Variants in SCFD2 observed in about 807,000 individuals in gnomAD.
The protein encoded by SCFD2 is sec1 family domain-containing protein 2.
In SCFD2, 54 loss-of-function variants were observed where a neutral mutation model predicts 58.9. That is an observed-to-expected ratio of 0.92 (90% confidence interval 0.74 to 1.15). The LOEUF (loss-of-function observed/expected upper bound fraction) is 1.15, where lower values mean the gene tolerates loss of function less well. Ranked by LOEUF, SCFD2 falls within the 50% of genes most tolerant of loss-of-function variation. The pLI, the probability that SCFD2 is intolerant of heterozygous loss-of-function variation, is 0.00. For synonymous variants in SCFD2, 321 were observed against 335.9 expected (o/e 0.96, Z 0.49); for missense variants, 805 against 836.6 (o/e 0.96, Z 0.47).
At chr4:53,271,557 G>A (rs1731169606) in intron 4 of SCFD2, among the ~76,000 whole-genome samples, 1 of 151,820 alleles carries the variant, frequency 6.6e-6, no homozygotes, top group Admixed American at 6.6e-5. Context: ...CTGCCTCCCA[G>A]GTTCAGGAAA....
At chr4:53,071,193 A>T (rs1334457461) in intron 5 of SCFD2, among the ~76,000 whole-genome samples, 3 of 152,188 alleles carry the variant, frequency 2.0e-5, no homozygotes, top group African/African-American at 7.2e-5. Context: ...TAAAACAGCA[A>T]GAGAGGAGGA....
intron 4 of SCFD2, among the ~76,000 whole-genome samples, chr4:53,228,987 G>C (rs1409121014): frequency 6.6e-6 from 1 of 152,042 alleles, no homozygotes; most frequent in African/African-American, 2.4e-5. Context: ...CAGACAAACA[G>C]AGAGCCAAAT....
chr4:53,278,419 A>G (rs2149074156), intron 3 of SCFD2, among the ~76,000 whole-genome samples: 1 of 151,338 alleles, frequency 6.6e-6, no homozygotes, highest in African/African-American at 2.4e-5. Context: ...GTGCTCACCT[A>G]TAGTCCCAGC....
chr4:53,286,702 C>T (rs1731678751), intron 3 of SCFD2, among the ~76,000 whole-genome samples: 1 of 152,182 alleles, frequency 6.6e-6, no homozygotes, highest in African/African-American at 2.4e-5. Flanking sequence ...CCAGTCACAG[C>T]ACCCTGACTC....
At chr4:52,885,056 G>T (rs571166268) in intron 8 of SCFD2, among the ~76,000 whole-genome samples, 1 of 152,092 alleles carries the variant, frequency 6.6e-6, no homozygotes, top group Non-Finnish European at 1.5e-5. Flanking sequence ...AAATAGAAAC[G>T]TCTATGTTCT....
chr4:53,076,800 C>T (rs1194052566), intron 5 of SCFD2, among the ~76,000 whole-genome samples: 3 of 152,182 alleles, frequency 2.0e-5, no homozygotes, highest in Admixed American at 2.0e-4. Flanking sequence ...TTGCATTTAT[C>T]CAACACGGGC....
In SCFD2 at chr4:52,886,232, T is replaced by A. The variant is rs146299317; in HGVS notation, c.1843-366A>T. On this transcript the variant is annotated intron_variant, in intron 7 of 8. Transcript: ENST00000401642. ...GACTTTGTTTTAGCCTTTTTTTTGC[T>A]TACTTGCAAACCAATCAGCATGCAC... 3.9e-3 allele frequency among the ~76,000 whole-genome samples: 601 copies of A among 152,306 alleles called. 5 individuals carry two copies. Among genetic ancestry groups the A allele is most frequent in the African/African-American group, 0.014 (565 of 41,560 alleles).
chr4:53,298,694 C>T lies in SCFD2; in HGVS notation c.1135+14942G>A, dbSNP rs563709140. On this transcript the variant is annotated intron_variant, in intron 3 of 8. Coordinates refer to ENST00000401642, the MANE Select transcript of SCFD2 (RefSeq NM_152540.4). ...GAGTAGCCTAACTGGGAGGCACCCC[C>T]CAGTAGCGGTGAACTGACACCTCAC... is the stretch of plus-strand genomic sequence containing the variant. 6.2e-4 allele frequency among the ~76,000 whole-genome samples: 94 copies of T among 152,262 alleles called. 1 individual carries two copies. Among genetic ancestry groups the T allele is most frequent in the Admixed American group, 5.9e-3 (90 of 15,300 alleles).
At chr4:53,244,604 G>A (rs1332145053) in intron 4 of SCFD2, among the ~76,000 whole-genome samples, 1 of 152,062 alleles carries the variant, frequency 6.6e-6, no homozygotes, top group African/African-American at 2.4e-5. Context: ...GTGTTAAGAG[G>A]AAATGTACAG....
intron 2 of SCFD2, among the ~76,000 whole-genome samples, chr4:53,335,311 A>C (rs190507845): frequency 1.9e-4 from 29 of 152,258 alleles, no homozygotes; most frequent in African/African-American, 7.0e-4. Context: ...GAAACATTAA[A>C]CAAACATAAA....
At chr4:53,314,050 G>A (rs867119293) in intron 2 of SCFD2, among the ~76,000 whole-genome samples, 1 of 152,128 alleles carries the variant, frequency 6.6e-6, no homozygotes, top group Admixed American at 6.5e-5. Context: ...CAAAGATTTT[G>A]CACTTAAATC....
intron 3 of SCFD2, among the ~76,000 whole-genome samples, chr4:53,301,912 T>G (rs1264799710): frequency 1.3e-5 from 2 of 152,130 alleles, no homozygotes; most frequent in African/African-American, 4.8e-5. Context: ...CCCTCCATGC[T>G]AAAAACTCTC....
intron 4 of SCFD2, among the ~76,000 whole-genome samples, chr4:53,180,048 A>C (rs1727491861): frequency 6.6e-6 from 1 of 152,222 alleles, no homozygotes; most frequent in Non-Finnish European, 1.5e-5. Context: ...ACACAATAAT[A>C]GTAGGAGACT....
At chr4:52,999,408 C>T (rs986091806) in intron 5 of SCFD2, among the ~76,000 whole-genome samples, 4 of 152,052 alleles carry the variant, frequency 2.6e-5, no homozygotes, top group African/African-American at 7.2e-5. Flanking sequence ...TAGTGTGTTA[C>T]GAAAATGGTT....
chr4:53,144,884 C>G (rs1248362379), intron 5 of SCFD2, among the ~76,000 whole-genome samples: 1 of 152,146 alleles, frequency 6.6e-6, no homozygotes, highest in Non-Finnish European at 1.5e-5. Context: ...CCCTGGGCTG[C>G]AGACAGGTAC....
chr4:53,075,168 A>T (rs145902133), intron 5 of SCFD2, among the ~76,000 whole-genome samples: 3 of 152,334 alleles, frequency 2.0e-5, no homozygotes, highest in African/African-American at 7.2e-5. Context: ...TTAGAGAGAC[A>T]GCTGCTTTCC....
At chr4:53,290,809 A>C (rs1005934726) in intron 3 of SCFD2, among the ~76,000 whole-genome samples, 2 of 152,136 alleles carry the variant, frequency 1.3e-5, no homozygotes, top group African/African-American at 4.8e-5. Context: ...ATCATAAGGT[A>C]CTATTATGAA....
At chr4:53,332,284 G>T (rs961062363) in intron 2 of SCFD2, among the ~76,000 whole-genome samples, 2 of 151,504 alleles carry the variant, frequency 1.3e-5, no homozygotes, top group Non-Finnish European at 2.9e-5. Flanking sequence ...GCCGGGCAGA[G>T]ACACAACCAA....
chr4:53,088,446 G>T (rs1490958128), intron 5 of SCFD2, among the ~76,000 whole-genome samples: 1 of 152,220 alleles, frequency 6.6e-6, no homozygotes. Flanking sequence ...TAGTGGGCCT[G>T]GAAGGAGCAT....
Sources: allele counts gnomAD v4.1 joint callset (sites outside exome capture counted in the v4.1 genomes callset), GRCh38; gene constraint gnomAD v4.1.1; transcripts MANE v1.5; gene names NCBI Gene and HGNC (gene_info 2026-07-23, HGNC 2026-07-21).